The following RANBP2 variants were observed in gnomAD, a reference collection of about 807,000 sequenced individuals.
RANBP2 encodes the protein E3 SUMO-protein ligase RanBP2.
A neutral mutation model predicts 303.6 loss-of-function variants in RANBP2; 57 were observed. The observed-to-expected ratio is 0.19, with a 90% CI of 0.15 to 0.23. RANBP2 has a LOEUF of 0.23. Ranked by LOEUF, RANBP2 falls within the 10% of genes least tolerant of loss-of-function variation. RANBP2 has a pLI of 1.00. For synonymous variants in RANBP2, 1,167 were observed against 1,301.5 expected (o/e 0.90, Z 2.23); for missense variants, 3,138 against 3,780.8 (o/e 0.83, Z 4.46).
chr2:109,110,572 A>C, the RANBP2 span, among the ~76,000 whole-genome samples: 2 of 152,346 alleles, frequency 1.3e-5, no homozygotes, highest in Non-Finnish European at 2.9e-5. Context: ...CAAGGTTTAA[A>C]ATTTAAATAT....
the RANBP2 span, among the ~76,000 whole-genome samples, chr2:109,428,944 G>A: frequency 2.0e-5 from 3 of 152,184 alleles, no homozygotes; most frequent in African/African-American, 7.2e-5. Context: ...ATGTGTCTAC[G>A]AAGACTGGCT....
At chr2:109,450,416 G>A in the RANBP2 span, among the ~76,000 whole-genome samples, 3 of 151,960 alleles carry the variant, frequency 2.0e-5, no homozygotes, top group African/African-American at 4.8e-5. Context: ...CCTGCTAGAC[G>A]TTAGATTAAC....
chr2:109,338,405 G>C, the RANBP2 span, among the ~76,000 whole-genome samples: 1 of 151,432 alleles, frequency 6.6e-6, no homozygotes, highest in African/African-American at 2.4e-5. Context: ...CCTTCCTTTT[G>C]TCATTTGAGC....
At chr2:109,464,281 C>T in the RANBP2 span, among the ~76,000 whole-genome samples, 1 of 152,216 alleles carries the variant, frequency 6.6e-6, no homozygotes, top group Admixed American at 6.5e-5. Context: ...AATATACACA[C>T]ATTCATACAT....
the RANBP2 span, among the ~76,000 whole-genome samples, chr2:109,247,741 C>T: frequency 6.6e-6 from 1 of 152,190 alleles, no homozygotes; most frequent in African/African-American, 2.4e-5. Flanking sequence ...TGCTGTATAA[C>T]AGAAACCCAA....
the RANBP2 span, among the ~76,000 whole-genome samples, chr2:109,103,882 CT>C: frequency 1.3e-5 from 2 of 151,846 alleles, no homozygotes; most frequent in Non-Finnish European, 2.9e-5. Flanking sequence ...CAAGCTCTGC[CT>C]CCTGAGTTCA....
At chr2:109,533,958 G>A in the RANBP2 span, among the ~76,000 whole-genome samples, 2 of 152,236 alleles carry the variant, frequency 1.3e-5, no homozygotes, top group South Asian at 2.1e-4. Flanking sequence ...AACTGGGAAT[G>A]GGCAGTCAGT....
At chr2:109,275,579 G>C in the RANBP2 span, among the ~76,000 whole-genome samples, 1 of 152,170 alleles carries the variant, frequency 6.6e-6, no homozygotes, top group Admixed American at 6.5e-5. Context: ...ACTCAAAAGA[G>C]TGCCCCGCAC....
chr2:109,733,525 A>T, the RANBP2 span, among the ~76,000 whole-genome samples: 1 of 152,144 alleles, frequency 6.6e-6, no homozygotes, highest in African/African-American at 2.4e-5. Context: ...CAAGAAAAAG[A>T]TTCCCACTGC....
At chr2:108,976,636 G>A in the RANBP2 span, among the ~76,000 whole-genome samples, 1 of 152,070 alleles carries the variant, frequency 6.6e-6, no homozygotes, top group Non-Finnish European at 1.5e-5. Flanking sequence ...TTGTCCATCC[G>A]TCCATTATTT....
At chr2:109,032,595 G>GT in the RANBP2 span, among the ~76,000 whole-genome samples, 5 of 151,652 alleles carry the variant, frequency 3.3e-5, no homozygotes, top group Non-Finnish European at 7.3e-5. Flanking sequence ...ATGGGGTGGG[G>GT]TGGGGGAGTC....
chr2:108,822,506 C>T, the RANBP2 span, among the ~76,000 whole-genome samples: 1 of 152,148 alleles, frequency 6.6e-6, no homozygotes, highest in African/African-American at 2.4e-5. Flanking sequence ...ATACATTCTT[C>T]TCTTCTCAAG....
chr2:109,229,348 AT>A, the RANBP2 span, among the ~76,000 whole-genome samples: 1 of 152,164 alleles, frequency 6.6e-6, no homozygotes, highest in Non-Finnish European at 1.5e-5. Context: ...CTTTTCATAC[AT>A]TAACATGATA....
the RANBP2 span, among the ~76,000 whole-genome samples, chr2:109,040,940 C>T: frequency 0.039 from 5,907 of 152,168 alleles, 386 homozygotes; most frequent in African/African-American, 0.13. Flanking sequence ...CCTGTAGTCC[C>T]AGCTACTCGG....
At chr2:108,905,858 G>A in the RANBP2 span, among the ~76,000 whole-genome samples, 2 of 152,174 alleles carry the variant, frequency 1.3e-5, no homozygotes, top group Non-Finnish European at 2.9e-5. Context: ...AGGCCGCTGG[G>A]AGGGGAGGCT....
the RANBP2 span, among the ~76,000 whole-genome samples, chr2:109,458,239 G>C: frequency 6.6e-6 from 1 of 152,080 alleles, no homozygotes; most frequent in African/African-American, 2.4e-5. Context: ...TTTGTATATA[G>C]CATGAGAATG....
At chr2:109,371,382 T>C in the RANBP2 span, among the ~76,000 whole-genome samples, 1 of 152,182 alleles carries the variant, frequency 6.6e-6, no homozygotes, top group Non-Finnish European at 1.5e-5. Flanking sequence ...AGAGCGAGAC[T>C]CCGCCCCTCC....
the RANBP2 span, among the ~76,000 whole-genome samples, chr2:108,919,125 G>A: frequency 1.3e-5 from 2 of 152,164 alleles, no homozygotes; most frequent in East Asian, 1.9e-4. Context: ...ACTGAGCGCC[G>A]GTGTCTGGGA....
At chr2:108,722,631 A>G (rs1384039635) in intron 1 of RANBP2, among the ~76,000 whole-genome samples, 2 of 125,178 alleles carry the variant, frequency 1.6e-5, no homozygotes, top group Non-Finnish European at 3.1e-5. Context: ...ACTCCCTCAC[A>G]TGTGCTTTTG....
Sources: allele counts gnomAD v4.1 joint callset (sites outside exome capture counted in the v4.1 genomes callset), GRCh38; gene constraint gnomAD v4.1.1; transcripts MANE v1.5; gene names NCBI Gene and HGNC (gene_info 2026-07-23, HGNC 2026-07-21).